The following PRORP variants were observed in gnomAD, a reference collection of about 807,000 sequenced individuals.
The protein encoded by PRORP is mitochondrial ribonuclease P catalytic subunit.
PRORP carries 51 observed loss-of-function variants against 59.4 expected under a neutral mutation model. The observed-to-expected ratio is 0.86, with a 90% CI of 0.69 to 1.08. The LOEUF (loss-of-function observed/expected upper bound fraction) is 1.08, where lower values mean the gene tolerates loss of function less well. PRORP is among the 50% of genes least tolerant of loss of function. The probability of loss-of-function intolerance (pLI) is 0.00; values close to 1 mark genes in which losing one functional copy is unlikely to be tolerated. For missense variants in PRORP, 646 were observed against 690.3 expected, an observed-to-expected ratio of 0.94 and a Z score of 0.72; for synonymous variants, 231 against 245.6, an observed-to-expected ratio of 0.94 and a Z score of 0.55.
intron 4 of PRORP, among the ~76,000 whole-genome samples, chr14:35,127,943 C>T (rs7158416): frequency 0.38 from 58,149 of 151,962 alleles, 11,390 homozygotes; most frequent in Middle Eastern, 0.47. Flanking sequence ...TCCTATTATA[C>T]TGGGGCATAA....
intron 5 of PRORP, among the ~76,000 whole-genome samples, chr14:35,244,459 T>TA (rs1179645174): frequency 2.0e-5 from 3 of 151,808 alleles, no homozygotes; most frequent in African/African-American, 7.3e-5. Context: ...TTTTTTTTTT[T>TA]AACTTCATTT....
At chr14:35,190,799 G>A (rs1013820372) in intron 5 of PRORP, among the ~76,000 whole-genome samples, 9 of 152,020 alleles carry the variant, frequency 5.9e-5, no homozygotes, top group African/African-American at 1.4e-4. Context: ...CACCGCACCC[G>A]GCTGACTGTA....
At chr14:35,251,081 C>T (rs906557105) in intron 5 of PRORP, among the ~76,000 whole-genome samples, 3 of 152,170 alleles carry the variant, frequency 2.0e-5, no homozygotes, top group Non-Finnish European at 4.4e-5. Context: ...TTTGCATGGT[C>T]ATAGCTTAGC....
At chr14:35,241,584 G>A (rs2050370495) in intron 5 of PRORP, among the ~76,000 whole-genome samples, 1 of 152,098 alleles carries the variant, frequency 6.6e-6, no homozygotes, top group African/African-American at 2.4e-5. Context: ...AAACCTCAGT[G>A]AGAATGTTCT....
intron 6 of PRORP, among the ~76,000 whole-genome samples, chr14:35,267,856 G>A (rs961569317): frequency 3.9e-5 from 6 of 152,142 alleles, no homozygotes; most frequent in African/African-American, 1.4e-4. Flanking sequence ...AACACGGCCA[G>A]TTGGGCTATA....
intron 5 of PRORP, among the ~76,000 whole-genome samples, chr14:35,212,827 G>A (rs181833472): frequency 1.1e-3 from 167 of 152,286 alleles, no homozygotes; most frequent in Non-Finnish European, 1.1e-3. Context: ...TTGAAGCCAG[G>A]CATTGACTTC....
At chr14:35,138,014 C>T (rs139291489) in intron 4 of PRORP, among the ~76,000 whole-genome samples, 8 of 145,968 alleles carry the variant, frequency 5.5e-5, no homozygotes, top group African/African-American at 1.9e-4. Context: ...GTGGCTTTAA[C>T]AGCAGAAATT....
intron 4 of PRORP, among the ~76,000 whole-genome samples, chr14:35,148,911 A>ATTTTT (rs1186320988): frequency 8.8e-4 from 73 of 82,832 alleles, no homozygotes; most frequent in East Asian, 1.7e-3. Flanking sequence ...GCACTTTTTA[A>ATTTTT]TTTTTTTTTT....
At chr14:35,129,108 T>G (rs2047170552) in intron 4 of PRORP, among the ~76,000 whole-genome samples, 1 of 151,916 alleles carries the variant, frequency 6.6e-6, no homozygotes, top group Admixed American at 6.6e-5. Flanking sequence ...CTCGTGAGGT[T>G]GAGGCAGGAG....
chr14:35,130,741 C>T lies in PRORP; in HGVS notation c.1167+3130C>T, dbSNP rs113361166. 6.6e-5 allele frequency among the ~76,000 whole-genome samples: 10 copies of T among 152,160 alleles called. 1 individual carries two copies. Among genetic ancestry groups the T allele is most frequent in the Admixed American group, 3.3e-4 (5 of 15,274 alleles). On this transcript the variant is annotated intron_variant, in intron 4 of 7. Coordinates refer to ENST00000534898, the MANE Select transcript of PRORP (RefSeq NM_014672.4). ...TTACTTTATCCAGCTGCGTCGGCCTCCCAAAATGCTGGGATTACAGGTGTG... is the reference window on the plus strand; with the variant it reads ...TTACTTTATCCAGCTGCGTCGGCCTTCCAAAATGCTGGGATTACAGGTGTG...
intron 4 of PRORP, among the ~76,000 whole-genome samples, chr14:35,138,216 T>A (rs533512535): frequency 6.9e-6 from 1 of 145,264 alleles, no homozygotes; most frequent in African/African-American, 2.4e-5. Context: ...CCCATCAGAT[T>A]TGATTAGGGC....
chr14:35,124,311 A>G, intron 2 of PRORP, 80 bp downstream of exon 2: 1 of 936,184 alleles, frequency 1.1e-6, no homozygotes, highest in South Asian at 1.9e-5. Flanking sequence ...TCTGTTGCCC[A>G]GACTGGAGTG....
chr14:35,180,507 G>C (rs544669632), intron 4 of PRORP, among the ~76,000 whole-genome samples, 163 bp from the exon 5 acceptor site: 1 of 139,344 alleles, frequency 7.2e-6, no homozygotes, highest in Non-Finnish European at 1.7e-5. Context: ...GGCTTTTTCA[G>C]ATTTCATTTG....
chr14:35,259,798 G>A (rs2050852658), intron 5 of PRORP, among the ~76,000 whole-genome samples: 1 of 152,126 alleles, frequency 6.6e-6, no homozygotes, highest in Non-Finnish European at 1.5e-5. Flanking sequence ...AGGAGGCTGA[G>A]GCAGGAAAAT....
chr14:35,131,650 T>C (rs1399173096), intron 4 of PRORP, among the ~76,000 whole-genome samples: 16 of 151,656 alleles, frequency 1.1e-4, no homozygotes, highest in Non-Finnish European at 1.5e-5. Flanking sequence ...TTCTTCAGCC[T>C]TCCGAGTAGC....
chr14:35,152,559 G>GCC (rs35943040), intron 4 of PRORP, among the ~76,000 whole-genome samples: 12 of 151,006 alleles, frequency 7.9e-5, no homozygotes, highest in Non-Finnish European at 1.6e-4. Flanking sequence ...GGGTGGAGGC[G>GCC]CCCCCCACCT....
chr14:35,182,970 ATATC>A (rs1454792768), intron 5 of PRORP, among the ~76,000 whole-genome samples: 4 of 152,204 alleles, frequency 2.6e-5, no homozygotes, highest in Non-Finnish European at 5.9e-5. Context: ...AACAACCTAA[ATATC>A]TATCAATCTT....
At chr14:35,122,886 C>T (rs2046967142) in intron 1 of PRORP, 66 bp from the exon 2 acceptor site, 1 of 200,160 alleles carries the variant, frequency 5.0e-6, no homozygotes. Flanking sequence ...GGAATCTGTT[C>T]CTTTTCAGGA....
chr14:35,221,557 C>G (rs868444563), intron 5 of PRORP, among the ~76,000 whole-genome samples: 1 of 152,050 alleles, frequency 6.6e-6, no homozygotes, highest in African/African-American at 2.4e-5. Context: ...AAAACGAGTG[C>G]CTTAGTCACC....
Sources: gnomAD v4.1 joint callset for allele counts (sites outside exome capture counted in the v4.1 genomes callset) on GRCh38, gnomAD v4.1.1 for gene constraint, MANE v1.5 for transcripts, NCBI Gene and HGNC (gene_info 2026-07-23, HGNC 2026-07-21) for gene names.